SLC27A4: variants seen among roughly 807,000 people sequenced by gnomAD.
SLC27A4 encodes long-chain fatty acid transport protein 4.
A neutral mutation model predicts 64.4 loss-of-function variants in SLC27A4; 33 were observed. The observed-to-expected ratio is 0.51, with a 90% CI of 0.39 to 0.68. The LOEUF (loss-of-function observed/expected upper bound fraction) is 0.68. Ranked by LOEUF, SLC27A4 falls within the 30% of genes least tolerant of loss-of-function variation. The probability of loss-of-function intolerance (pLI) is 0.00; values close to 1 mark genes in which losing one functional copy is unlikely to be tolerated. For synonymous variants in SLC27A4, 377 were observed against 370.0 expected (o/e 1.02, Z -0.22); for missense variants, 824 against 883.5 (o/e 0.93, Z 0.85).
intron 6 of SLC27A4, among the ~76,000 whole-genome samples, chr9:128,352,210 A>G (rs896728028): frequency 2.0e-5 from 3 of 151,332 alleles, no homozygotes; most frequent in Non-Finnish European, 2.9e-5. Context: ...AAAAAAAAAA[A>G]GTTGTTTTAA....
At chr9:128,349,610 C>G (rs1239607625) in intron 4 of SLC27A4, among the ~76,000 whole-genome samples, 1 of 152,118 alleles carries the variant, frequency 6.6e-6, no homozygotes, top group Non-Finnish European at 1.5e-5. Flanking sequence ...CTCTGGTGCC[C>G]TCATAGTGCC....
In SLC27A4 at chr9:128,353,768, G is replaced by A. The variant is rs1832775624; in HGVS notation, c.1324+227G>A. 6.7e-6 allele frequency among the ~76,000 whole-genome samples: 1 copy of A among 149,356 alleles called. No individual in the cohort carries two copies. The highest frequency in any genetic ancestry group is 2.5e-5 in the African/African-American group (1 of 39,656). ...CTTTTTTTTTTTTTTATTTGAGACG[G>A]AGTCTCGCTCTGTCGCCCAGGCTGG... On this transcript the variant is annotated intron_variant, in intron 9 of 12. Transcript: ENST00000300456. The surrounding 1 kb of genome is among the most constrained non-coding windows in gnomAD (Gnocchi z 4.9).
intron 6 of SLC27A4, among the ~76,000 whole-genome samples, chr9:128,352,384 C>G (rs1393460458): frequency 6.6e-6 from 1 of 152,082 alleles, no homozygotes; most frequent in Non-Finnish European, 1.5e-5. Context: ...AGCTCCTGCC[C>G]TCCAGGTGCT....
Position 128,345,247 on chromosome 9 carries a change from G to C in SLC27A4, c.254G>C (p.Arg85Pro). 1 of 1,613,894 alleles carries C rather than the reference G, an allele frequency of 6.2e-7. No homozygotes were observed. The highest frequency in any genetic ancestry group is 8.5e-7 in the Non-Finnish European group (1 of 1,180,020). Reference sequence around the variant, plus strand: ...CCCATTTTGTTTGCCTCTACCGTTCGGCGCCACCCCGACAAGACGGCCCTG... The same window carrying C: ...CCCATTTTGTTTGCCTCTACCGTTCCGCGCCACCCCGACAAGACGGCCCTG... ...TVPILFASTV[R>P]RHPDKTALIF... The change falls in exon 3 of 13, where the codon CGG becomes CCG. Residue 85 changes from arginine to proline, a missense_variant. Arg to Pro is a moderately radical substitution (Grantham distance 103). Coordinates refer to ENST00000300456, the MANE Select transcript of SLC27A4 (RefSeq NM_005094.4). This position sits in a 1 kb window ranked among gnomAD's most constrained non-coding sequence, Gnocchi z 4.1.
chr9:128,360,168 G>A (rs992725910), intron 12 of SLC27A4, among the ~76,000 whole-genome samples, 166 bp from the exon 13 acceptor site: 11 of 152,300 alleles, frequency 7.2e-5, no homozygotes, highest in African/African-American at 2.6e-4. Context: ...TGCCACAGCT[G>A]CTGTATGACC....
intron 4 of SLC27A4, 49 bp from the exon 5 acceptor site, chr9:128,350,263 G>T: frequency 6.5e-7 from 1 of 1,535,454 alleles, no homozygotes; most frequent in Non-Finnish European, 9.0e-7. Context: ...GTGACCCTTT[G>T]CCCAGCCCTG....
rs549014094 is a variant in SLC27A4 at position 128,353,826 on chromosome 9, C to T, written c.1324+285C>T. Among the ~76,000 whole-genome samples the T allele has an allele frequency of 3.8e-3, 561 of 149,576 alleles. 2 individuals are homozygous for T. The highest frequency in any genetic ancestry group is 5.9e-3 in the Non-Finnish European group (396 of 67,582). ...TGGCGGGATCTCGGCTCACTGCAAG[C>T]TCCGCCTCCCGGGTTCACGCCATTC... On this transcript the variant is annotated intron_variant, in intron 9 of 12. Transcript: ENST00000300456. The surrounding 1 kb of genome is among the most constrained non-coding windows in gnomAD (Gnocchi z 4.9).
At chr9:128,351,695 T>A (rs552745825) in intron 6 of SLC27A4, among the ~76,000 whole-genome samples, 62 of 152,092 alleles carry the variant, frequency 4.1e-4, no homozygotes, top group Non-Finnish European at 7.8e-4. Flanking sequence ...TCAGCCTGGG[T>A]GACAGGGCAA....
At chr9:128,344,971 C>CT (rs1271708331) in intron 2 of SLC27A4, among the ~76,000 whole-genome samples, 184 bp from the exon 3 acceptor site, 8 of 152,144 alleles carry the variant, frequency 5.3e-5, no homozygotes, top group African/African-American at 1.9e-4. Context: ...CATACGAACT[C>CT]TCAGTGTTAT....
intron 4 of SLC27A4, among the ~76,000 whole-genome samples, chr9:128,349,877 G>A (rs1010887428): frequency 2.6e-5 from 4 of 152,202 alleles, no homozygotes; most frequent in African/African-American, 9.6e-5. Flanking sequence ...ATGACTTGGG[G>A]CAGGTGTCAC....
chr9:128,351,209 A>AGCT (rs1340182071), intron 6 of SLC27A4, among the ~76,000 whole-genome samples: 6 of 151,678 alleles, frequency 4.0e-5, no homozygotes, highest in Admixed American at 2.6e-4. Flanking sequence ...GGTTGCAGTG[A>AGCT]GCTGAGATCA....
At chr9:128,352,532 C>T (rs1056706175) in intron 6 of SLC27A4, 106 bp from the exon 7 acceptor site, 7 of 903,314 alleles carry the variant, frequency 7.7e-6, no homozygotes, top group Admixed American at 2.0e-5. Flanking sequence ...GTGCAGAAGC[C>T]TGCAGGGCAG....
At chr9:128,357,129 G>A (rs1002197318) in intron 12 of SLC27A4, among the ~76,000 whole-genome samples, 1 of 151,310 alleles carries the variant, frequency 6.6e-6, no homozygotes, top group East Asian at 1.9e-4. Flanking sequence ...AGGCATGGTG[G>A]TGGGCGCCTG....
chr9:128,353,327 G>T lies in SLC27A4; in HGVS notation c.1198-88G>T. 2.5e-6 allele frequency: 4 copies of T among 1,610,678 alleles called. No individual in the cohort carries two copies. Among genetic ancestry groups the T allele is most frequent in the East Asian group, 2.2e-5 (1 of 44,860 alleles). ...GGGAGGGCAGAGTTCGAGCGTGAGA[G>T]TGTGGGTGCTGGAGTCCCACTTCCC... On this transcript the variant is annotated intron_variant, in intron 8 of 12. Transcript: ENST00000300456. The surrounding 1 kb of genome is among the most constrained non-coding windows in gnomAD (Gnocchi z 4.9).
intron 1 of SLC27A4, chr9:128,342,746 TAAA>T (rs1478753663): frequency 8.9e-6 from 3 of 337,598 alleles, no homozygotes; most frequent in African/African-American, 6.6e-5. Context: ...AATATGCAAA[TAAA>T]AAGTTTAAAA....
intron 3 of SLC27A4, among the ~76,000 whole-genome samples, chr9:128,348,267 G>A (rs886161445): frequency 1.3e-4 from 20 of 152,156 alleles, no homozygotes; most frequent in African/African-American, 4.3e-4. Context: ...TTCTCGGAGC[G>A]TCAATCTTCT....
chr9:128,346,768 C>G (rs977149571), intron 3 of SLC27A4, among the ~76,000 whole-genome samples: 1 of 150,914 alleles, frequency 6.6e-6, no homozygotes, highest in Non-Finnish European at 1.5e-5. Context: ...TTTAGGAGGT[C>G]GAGGTGGGCA....
At chr9:128,359,676 A>G (rs1832871100) in intron 12 of SLC27A4, among the ~76,000 whole-genome samples, 1 of 152,132 alleles carries the variant, frequency 6.6e-6, no homozygotes, top group Admixed American at 6.5e-5. Flanking sequence ...ACAGTGGTGC[A>G]CACCTATAGT....
intron 1 of SLC27A4, 117 bp downstream of exon 1, chr9:128,340,955 C>G: frequency 4.1e-6 from 2 of 483,004 alleles, no homozygotes; most frequent in East Asian, 7.0e-5. Context: ...ATTTCCCCGA[C>G]AGACGCACTG....
Sources: allele counts gnomAD v4.1 joint callset (sites outside exome capture counted in the v4.1 genomes callset), GRCh38; gene constraint gnomAD v4.1.1; non-coding constraint Gnocchi (gnomAD v3.1); transcripts MANE v1.5; gene names NCBI Gene and HGNC (gene_info 2026-07-23, HGNC 2026-07-21).